Variants in GOLGA2 observed in about 807,000 individuals in gnomAD.
GOLGA2 encodes the protein golgin subfamily A member 2.
GOLGA2 carries 49 observed loss-of-function variants against 148.8 expected under a neutral mutation model. The ratio of observed to expected loss-of-function variants is 0.33; its 90% CI spans 0.26 to 0.42. GOLGA2 has a LOEUF of 0.42. Among genes scored for constraint, GOLGA2 ranks in the 10% least tolerant of loss-of-function variants. The probability of loss-of-function intolerance (pLI) is 1.00; values close to 1 mark genes in which losing one functional copy is unlikely to be tolerated. For synonymous variants in GOLGA2, 501 were observed against 511.8 expected, an observed-to-expected ratio of 0.98 and a Z score of 0.28; for missense variants, 1,178 against 1,304.6, an observed-to-expected ratio of 0.90 and a Z score of 1.49.
intron 3 of GOLGA2, among the ~76,000 whole-genome samples, chr9:128,270,129 ATTTTTTTT>A (rs776425049): frequency 8.7e-6 from 1 of 115,146 alleles, no homozygotes; most frequent in East Asian, 2.6e-4. Flanking sequence ...GAGGAAGGGA[ATTTTTTTT>A]TTTTTTTTTT....
Position 128,257,082 on chromosome 9 carries a change from C to A in GOLGA2, c.3075G>T (p.Lys1025Asn). The A allele has an allele frequency of 6.2e-7, 1 of 1,612,854 alleles. No homozygotes were observed. The highest frequency in any genetic ancestry group is 8.5e-7 in the Non-Finnish European group (1 of 1,179,104). ...FYRADENDEV[K>N]ITVI The stretch of plus-strand genomic sequence containing the variant: ...TAGCCGGCTTTTAGATGACAGTGAT[C>A]TTCACCTCATCATTCTCGTCAGCCC... The change falls in exon 27 of 27, where the codon AAG (lysine) becomes AAT (asparagine). Residue 1025 changes from lysine (K) to asparagine (N), a missense_variant. Lys to Asn is a moderately conservative substitution (Grantham distance 94). This residue lies in a region of GOLGA2 where 149 missense variants were observed against 154.9 expected (regional missense o/e 0.96). Coordinates refer to ENST00000611957, the MANE Select transcript of GOLGA2 (RefSeq NM_001366244.2). The surrounding 1 kb of genome is among the most constrained non-coding windows in gnomAD (Gnocchi z 8.0).
chr9:128,258,357 C>G lies in GOLGA2; in HGVS notation c.2289+98G>C. The G allele has an allele frequency of 3.2e-6, 4 of 1,265,668 alleles. No individual in the cohort carries two copies. In the South Asian group the frequency reaches 5.1e-5, roughly 16 times the overall value. The allele number at this position is 1,265,668 out of a possible 1,614,324, so 78.4% of individuals were successfully genotyped here. ...GGCTCCCAGGAAAGGGGTGAGGGTCCGAAGAAATCAGAAGGCCGGGAAACC... is the reference window on the plus strand; with the variant it reads ...GGCTCCCAGGAAAGGGGTGAGGGTCGGAAGAAATCAGAAGGCCGGGAAACC... On this transcript the variant is annotated intron_variant, in intron 22 of 26. Coordinates refer to ENST00000611957, the MANE Select transcript of GOLGA2 (RefSeq NM_001366244.2). The surrounding 1 kb of genome is among the most constrained non-coding windows in gnomAD (Gnocchi z 6.6).
At chr9:128,275,369 G>A in intron 1 of GOLGA2, 2 of 1,276,606 alleles carry the variant, frequency 1.6e-6, no homozygotes, top group Non-Finnish European at 2.0e-6. Context: ...TCCACTCCTA[G>A]GGGGAACATC....
In GOLGA2 at chr9:128,260,289, G is replaced by C; in HGVS notation, c.1759-100C>G. On this transcript the variant is annotated intron_variant, in intron 18 of 26. Transcript: ENST00000611957. The surrounding 1 kb of genome is among the most constrained non-coding windows in gnomAD (Gnocchi z 4.8). Reference sequence around the variant, plus strand: ...TCCCATGGCACCGGGAAGGGTGGAGGCAGGTTAGAAAAATCATCCCCTCTC... The same window carrying C: ...TCCCATGGCACCGGGAAGGGTGGAGCCAGGTTAGAAAAATCATCCCCTCTC... 1.7e-6 allele frequency: 2 copies of C among 1,199,464 alleles called. No homozygotes were observed. Among genetic ancestry groups the C allele is most frequent in the Non-Finnish European group, 2.5e-6 (2 of 815,730 alleles). 74.3% of individuals were successfully genotyped at this position (1,199,464 alleles called of 1,614,324 possible).
At position 128,265,658 on chromosome 9, in the gene GOLGA2, T is replaced by A. The variant is rs1830546466; in HGVS notation, c.860A>T (p.Tyr287Phe). Residue 287 changes from tyrosine (Y) to phenylalanine (F), a missense_variant, in exon 12 of 27, where the codon TAT becomes TTT. Tyr to Phe is a conservative substitution (Grantham distance 22). Coordinates refer to ENST00000611957, the MANE Select transcript of GOLGA2 (RefSeq NM_001366244.2). ...CAACTCTCCCACACGCCGCCGGGAA[T>A]ACTGCAGGCGGCTGGCCAGATCTTC... ...ESEDLASRLQYSRRRVGELER... is the reference protein window; with the variant it reads ...ESEDLASRLQFSRRRVGELER... 1 of 1,613,906 alleles carries A rather than the reference T, an allele frequency of 6.2e-7. No homozygotes were observed. Among genetic ancestry groups the A allele is most frequent in the South Asian group, 1.1e-5 (1 of 91,072 alleles).
At position 128,267,493 on chromosome 9, in the gene GOLGA2, C is replaced by T; in HGVS notation, c.526G>A (p.Gly176Ser). The T allele has an allele frequency of 6.2e-7, 1 of 1,613,514 alleles. No individual in the cohort carries two copies. The highest frequency in any genetic ancestry group is 8.5e-7 in the Non-Finnish European group (1 of 1,179,474). Residue 176 changes from glycine to serine, a missense_variant, in exon 7 of 27, where the codon GGC becomes AGC. Gly to Ser is a moderately conservative substitution (Grantham distance 56). Around this residue, in one of 5 missense-constraint regions of GOLGA2, gnomAD observed 304 missense variants for 404.1 expected, o/e 0.75. Coordinates refer to ENST00000611957, the MANE Select transcript of GOLGA2 (RefSeq NM_001366244.2). Reference sequence around the variant, plus strand: ...TTCAGGTTAGCAGACGATGCAGGGCCCTCCCCATTGACACATGTCGCAGAC... The same window carrying T: ...TTCAGGTTAGCAGACGATGCAGGGCTCTCCCCATTGACACATGTCGCAGAC... ...CESATCVNGE[G>S]PASSANLKDL... is the part of the protein sequence containing the mutation.
At chr9:128,259,799 G>A (rs1830136352) in intron 19 of GOLGA2, among the ~76,000 whole-genome samples, 1 of 152,226 alleles carries the variant, frequency 6.6e-6, no homozygotes, top group Non-Finnish European at 1.5e-5. Context: ...CCAGAATCCA[G>A]TTTGAATCTA....
chr9:128,268,075 T>G, intron 5 of GOLGA2, 42 bp downstream of exon 5: 1 of 1,602,530 alleles, frequency 6.2e-7, no homozygotes, highest in African/African-American at 1.3e-5. Flanking sequence ...CCTCCCTGAC[T>G]CTCTCAGCCT....
Position 128,259,389 on chromosome 9 carries a change from C to T in GOLGA2, c.1875G>A (p.Val625=), listed in dbSNP as rs1564362942. Residue 625 remains valine, a splice_region_variant and synonymous_variant, in exon 20 of 27, where the codon GTG becomes GTA. Coordinates refer to ENST00000611957, the MANE Select transcript of GOLGA2 (RefSeq NM_001366244.2). ...TTTGAGCCTCTTGGCTCTTCAGCTC[C>T]ACCTGTAGGAAGACCCTGGGCGTGA... ...QEKLSELKET[V]ELKSQEAQSL... 6.4e-7 allele frequency: 1 copy of T among 1,573,742 alleles called. No individual in the cohort carries two copies.
intron 3 of GOLGA2, among the ~76,000 whole-genome samples, chr9:128,269,918 T>G (rs1830829256): frequency 6.6e-6 from 1 of 152,180 alleles, no homozygotes; most frequent in African/African-American, 2.4e-5. Context: ...CTTTGCAAGT[T>G]TACTGTGACC....
intron 1 of GOLGA2, among the ~76,000 whole-genome samples, chr9:128,274,261 T>A (rs1831160022): frequency 6.6e-6 from 1 of 152,192 alleles, no homozygotes; most frequent in African/African-American, 2.4e-5. Flanking sequence ...TTTCCACCTC[T>A]CATCCCAGAA....
chr9:128,263,025 C>T lies in GOLGA2; in HGVS notation c.992+9G>A, dbSNP rs1238440064. 1.9e-6 allele frequency: 3 copies of T among 1,595,354 alleles called. No homozygotes were observed. Among genetic ancestry groups the T allele is most frequent in the African/African-American group, 1.3e-5 (1 of 74,644 alleles). Reference sequence around the variant, plus strand: ...CCCAGACCTCCCATCCCACCATCCCCCATCCTACGTGTTCTTGTATAACTC... The same window carrying T: ...CCCAGACCTCCCATCCCACCATCCCTCATCCTACGTGTTCTTGTATAACTC... On this transcript the variant is annotated intron_variant, in intron 13 of 26. Coordinates refer to ENST00000611957, the MANE Select transcript of GOLGA2 (RefSeq NM_001366244.2).
Position 128,258,055 on chromosome 9 carries a change from T to C in GOLGA2, c.2433A>G (p.Pro811=). ...SAQKEPEAAA[P]APGTGGDSVC... ...CAGAATCACCCCCGGTCCCTGGGGC[T>C]GGGGCTGCTGCCTCAGGCTCCTTCT... The change falls in exon 23 of 27, where the codon CCA becomes CCG. Residue 811 remains proline, a synonymous_variant. Transcript: ENST00000611957. This position sits in a 1 kb window ranked among gnomAD's most constrained non-coding sequence, Gnocchi z 6.6. The C allele has an allele frequency of 6.2e-7, 1 of 1,611,372 alleles. No homozygotes were observed. The highest frequency in any genetic ancestry group is 8.5e-7 in the Non-Finnish European group (1 of 1,179,666).
At chr9:128,270,426 T>C (rs1329803033) in intron 3 of GOLGA2, among the ~76,000 whole-genome samples, 4 of 152,084 alleles carry the variant, frequency 2.6e-5, no homozygotes, top group African/African-American at 7.2e-5. Context: ...GCTACTGCAC[T>C]TGGCTGAAAA....
Position 128,256,894 on chromosome 9 carries a change from G to A in GOLGA2, c.*173C>T, listed in dbSNP as rs1829899168. 3.7e-6 allele frequency: 2 copies of A among 539,736 alleles called. No homozygotes were observed. The highest frequency in any genetic ancestry group is 3.0e-5 in the Admixed American group (1 of 33,668). The allele number at this position is 539,736 out of a possible 1,614,324, so 33.4% of individuals were successfully genotyped here. On this transcript the variant is annotated 3_prime_UTR_variant, in exon 27 of 27. Coordinates refer to ENST00000611957, the MANE Select transcript of GOLGA2 (RefSeq NM_001366244.2). The stretch of plus-strand genomic sequence containing the variant: ...TAATTTTTTTTTAATTTAGTGGCCA[G>A]CTTTTAGATGACAGTGATCTTCACC...
Position 128,274,483 on chromosome 9 carries a change from G to A in GOLGA2, c.85-511C>T, listed in dbSNP as rs546121902. On this transcript the variant is annotated intron_variant, in intron 1 of 26. Coordinates refer to ENST00000611957, the MANE Select transcript of GOLGA2 (RefSeq NM_001366244.2). ...GGCCAGGAGTTCAAGGTCAGACTGGGCAACACAGTGACACCCCCTCTCTAA... is the reference window on the plus strand; with the variant it reads ...GGCCAGGAGTTCAAGGTCAGACTGGACAACACAGTGACACCCCCTCTCTAA... 2.0e-5 allele frequency among the ~76,000 whole-genome samples: 3 copies of A among 152,262 alleles called. No homozygotes were observed. The South Asian group carries it at 6.2e-4, about 32-fold the overall frequency.
Position 128,257,566 on chromosome 9 carries a change from C to T in GOLGA2, c.2718+35G>A, listed in dbSNP as rs1432881480. 2 of 1,613,908 alleles carry T rather than the reference C, an allele frequency of 1.2e-6. No homozygotes were observed. Among genetic ancestry groups the T allele is most frequent in the Non-Finnish European group, 1.7e-6 (2 of 1,179,984 alleles). ...CTAAGCTGCCATGCCCATGCCCGTG[C>T]CCACCTCCACCCCCAGAGATGTTCC... On this transcript the variant is annotated intron_variant, in intron 25 of 26. Coordinates refer to ENST00000611957, the MANE Select transcript of GOLGA2 (RefSeq NM_001366244.2). This position sits in a 1 kb window ranked among gnomAD's most constrained non-coding sequence, Gnocchi z 8.0.
intron 12 of GOLGA2, among the ~76,000 whole-genome samples, chr9:128,263,727 T>C (rs184439004): frequency 6.6e-6 from 1 of 151,862 alleles, no homozygotes; most frequent in East Asian, 1.9e-4. Context: ...CTAATTTTTT[T>C]ATTTTTAATA....
Position 128,261,369 on chromosome 9 carries a change from G to C in GOLGA2, c.1332+85C>G. On this transcript the variant is annotated intron_variant, in intron 16 of 26. Coordinates refer to ENST00000611957, the MANE Select transcript of GOLGA2 (RefSeq NM_001366244.2). This position sits in a 1 kb window ranked among gnomAD's most constrained non-coding sequence, Gnocchi z 5.7. ...AAGCCCAGACCCATGACCACCTCTGGCTGTGCTCCTCCCATTTCGCAGATG... is the reference window on the plus strand; with the variant it reads ...AAGCCCAGACCCATGACCACCTCTGCCTGTGCTCCTCCCATTTCGCAGATG... 8.3e-7 allele frequency: 1 copy of C among 1,202,178 alleles called. No individual in the cohort carries two copies. The highest frequency in any genetic ancestry group is 1.2e-6 in the Non-Finnish European group (1 of 804,588). The allele number at this position is 1,202,178 out of a possible 1,614,324, so 74.5% of individuals were successfully genotyped here.
Sources: gnomAD v4.1 joint callset for allele counts (sites outside exome capture counted in the v4.1 genomes callset) on GRCh38, gnomAD v4.1.1 for gene constraint, gnomAD v4.1.1 regional missense constraint, Gnocchi (gnomAD v3.1) non-coding constraint, MANE v1.5 for transcripts, NCBI Gene and HGNC (gene_info 2026-07-23, HGNC 2026-07-21) for gene names.